RASGRP3: variants seen among roughly 807,000 people sequenced by gnomAD.
The protein encoded by RASGRP3 is ras guanyl-releasing protein 3.
RASGRP3 carries 54 observed loss-of-function variants against 82.7 expected under a neutral mutation model. That is an observed-to-expected ratio of 0.65 (90% CI 0.52 to 0.82). The LOEUF is 0.82. Ranked by LOEUF, RASGRP3 falls within the 40% of genes least tolerant of loss-of-function variation. RASGRP3 has a pLI of 0.00. For missense variants in RASGRP3, 861 were observed against 828.9 expected (o/e 1.04, Z -0.48); for synonymous variants, 309 against 300.5 (o/e 1.03, Z -0.29).
intron 2 of RASGRP3, among the ~76,000 whole-genome samples, chr2:33,454,539 C>A (rs747005654): frequency 1.2e-4 from 18 of 152,190 alleles, no homozygotes; most frequent in Non-Finnish European, 2.1e-4. Context: ...GAGCTTCCAG[C>A]TGAAGACGGG....
In RASGRP3 at chr2:33,527,183, G is replaced by C; in HGVS notation, c.854G>C (p.Cys285Ser). The change falls in exon 10 of 18, where the codon TGC becomes TCC. Residue 285 changes from cysteine (C) to serine (S), a missense_variant. Physicochemically the swap from Cys to Ser is moderately radical, Grantham distance 112. Transcript: ENST00000403687. Reference protein sequence around the residue: ...TELVSSNGNYCNYRKAFADCD... With the variant: ...TELVSSNGNYSNYRKAFADCD... The stretch of plus-strand genomic sequence containing the variant: ...TTGGTCTCCTCCAACGGCAATTACT[G>C]CAATTACCGCAAGGCCTTTGCCGAC... The C allele has an allele frequency of 1.2e-6, 2 of 1,614,036 alleles. No individual in the cohort carries two copies. Among genetic ancestry groups the C allele is most frequent in the Non-Finnish European group, 8.5e-7 (1 of 1,179,894 alleles).
intron 1 of RASGRP3, among the ~76,000 whole-genome samples, chr2:33,499,939 G>A (rs1669709691): frequency 6.6e-6 from 1 of 152,146 alleles, no homozygotes; most frequent in South Asian, 2.1e-4. Context: ...AGCCATTGGA[G>A]AGACCGACAG....
intron 3 of RASGRP3, among the ~76,000 whole-genome samples, chr2:33,515,594 A>G (rs1671384551): frequency 6.6e-6 from 1 of 152,220 alleles, no homozygotes; most frequent in Non-Finnish European, 1.5e-5. Context: ...GTAATTCCTT[A>G]TAGCACATGG....
intron 2 of RASGRP3, among the ~76,000 whole-genome samples, chr2:33,455,499 G>A (rs1199410455): frequency 1.3e-5 from 2 of 152,178 alleles, no homozygotes; most frequent in African/African-American, 4.8e-5. Context: ...CTGCTTACAG[G>A]CAATGAACTT....
At chr2:33,513,296 A>G (rs766302869) in intron 2 of RASGRP3, among the ~76,000 whole-genome samples, 198 of 152,276 alleles carry the variant, frequency 1.3e-3, no homozygotes, top group Non-Finnish European at 2.2e-3. Flanking sequence ...CCTGGTGAAC[A>G]GACTCATTCC....
At chr2:33,509,456 G>T (rs529023275) in intron 1 of RASGRP3, among the ~76,000 whole-genome samples, 2 of 151,534 alleles carry the variant, frequency 1.3e-5, no homozygotes, top group Non-Finnish European at 2.9e-5. Flanking sequence ...ATGGCTTCCC[G>T]TTGCCCTTTG....
At chr2:33,550,869 G>A (rs565926202) in intron 14 of RASGRP3, among the ~76,000 whole-genome samples, 9 of 152,308 alleles carry the variant, frequency 5.9e-5, no homozygotes, top group Admixed American at 6.5e-5. Context: ...AGAGGCAGCC[G>A]TTTCCTCAAA....
At chr2:33,544,377 CA>C (rs1674546350) in intron 13 of RASGRP3, among the ~76,000 whole-genome samples, 1 of 151,830 alleles carries the variant, frequency 6.6e-6, no homozygotes, top group African/African-American at 2.4e-5. Context: ...AGCCAAGAAG[CA>C]TTCATGCTTT....
At chr2:33,493,682 G>A (rs72804240) in intron 1 of RASGRP3, among the ~76,000 whole-genome samples, 4,681 of 151,680 alleles carry the variant, frequency 0.031, 111 homozygotes, top group Middle Eastern at 0.044. Flanking sequence ...TGAGATGCCC[G>A]GCACCCAACA....
chr2:33,444,384 C>A (rs914177816), intron 1 of RASGRP3, among the ~76,000 whole-genome samples: 3 of 152,138 alleles, frequency 2.0e-5, no homozygotes, highest in Non-Finnish European at 4.4e-5. Context: ...ATATAAAAAA[C>A]CACTAATAAA....
chr2:33,471,295 C>T (rs1305284465), intron 2 of RASGRP3, among the ~76,000 whole-genome samples: 1 of 134,682 alleles, frequency 7.4e-6, no homozygotes, highest in African/African-American at 2.5e-5. Context: ...CCTGCCTCAT[C>T]CTCCCAGGTT....
intron 11 of RASGRP3, 41 bp downstream of exon 11, chr2:33,534,441 A>AT: frequency 1.5e-6 from 2 of 1,356,130 alleles, no homozygotes; most frequent in Non-Finnish European, 2.1e-6. Flanking sequence ...ACCAATCACT[A>AT]TTTTTTGTCA....
intron 14 of RASGRP3, among the ~76,000 whole-genome samples, chr2:33,553,443 T>G (rs1291982069): frequency 1.3e-5 from 2 of 152,176 alleles, no homozygotes. Flanking sequence ...TCAAGAAATG[T>G]TAACTATCAT....
chr2:33,464,423 AATT>A (rs1666566062), intron 2 of RASGRP3, among the ~76,000 whole-genome samples: 1 of 150,280 alleles, frequency 6.7e-6, no homozygotes, highest in African/African-American at 2.4e-5. Context: ...CCTGGTCTTA[AATT>A]ATTATTATAT....
chr2:33,464,703 T>C (rs1666587492), intron 2 of RASGRP3, among the ~76,000 whole-genome samples: 1 of 152,258 alleles, frequency 6.6e-6, no homozygotes, highest in East Asian at 1.9e-4. Context: ...TCTCAAACTC[T>C]TGGGCCCCAG....
chr2:33,555,385 A>G (rs1219773150), intron 14 of RASGRP3, 146 bp from the exon 15 acceptor site: 3 of 543,734 alleles, frequency 5.5e-6, no homozygotes, highest in African/African-American at 2.0e-5. Context: ...GGGTTCTTCT[A>G]TCTGGCAGGA....
intron 1 of RASGRP3, among the ~76,000 whole-genome samples, chr2:33,489,078 T>A (rs1668632954): frequency 6.6e-6 from 1 of 152,160 alleles, no homozygotes; most frequent in Admixed American, 6.5e-5. Context: ...TTTGGTAGTC[T>A]CTACTGGGAG....
At chr2:33,547,116 G>A (rs1187114196) in intron 13 of RASGRP3, among the ~76,000 whole-genome samples, 1 of 150,236 alleles carries the variant, frequency 6.7e-6, no homozygotes, top group Non-Finnish European at 1.5e-5. Context: ...GAACGCGGAT[G>A]GAAGTGGAGG....
At chr2:33,475,309 G>GT (rs1558417056), upstream of RASGRP3, among the ~76,000 whole-genome samples, 1 of 152,164 alleles carries the variant, frequency 6.6e-6, no homozygotes, top group African/African-American at 2.4e-5. Flanking sequence ...GAGACTGAGG[G>GT]TTTTTTGTCT....
Sources: gnomAD v4.1 joint callset for allele counts (sites outside exome capture counted in the v4.1 genomes callset) on GRCh38, gnomAD v4.1.1 for gene constraint, MANE v1.5 for transcripts, NCBI Gene and HGNC (gene_info 2026-07-23, HGNC 2026-07-21) for gene names.